Variants in HMG20A observed in about 807,000 individuals in gnomAD.
The protein encoded by HMG20A is high mobility group protein 20A.
HMG20A carries 17 observed loss-of-function variants against 43.9 expected under a neutral mutation model. The ratio of observed to expected loss-of-function variants is 0.39; its 90% CI spans 0.27 to 0.58. The LOEUF (loss-of-function observed/expected upper bound fraction) is 0.58, where lower values mean the gene tolerates loss of function less well. HMG20A is among the 20% of genes least tolerant of loss of function. The pLI is 0.59. For synonymous variants in HMG20A, 132 were observed against 147.5 expected, an observed-to-expected ratio of 0.89 and a Z score of 0.76; for missense variants, 341 against 438.2, an observed-to-expected ratio of 0.78 and a Z score of 1.98.
chr15:77,445,791 A>G (rs1309875926), intron 1 of HMG20A, among the ~76,000 whole-genome samples: 2 of 152,188 alleles, frequency 1.3e-5, no homozygotes, highest in African/African-American at 4.8e-5. Flanking sequence ...TACAGCATGG[A>G]TATGCTGGAC....
the HMG20A span, among the ~76,000 whole-genome samples, chr15:77,519,915 A>G: frequency 3.3e-5 from 5 of 152,184 alleles, no homozygotes; most frequent in East Asian, 5.8e-4. Flanking sequence ...ACCCCAGTAC[A>G]TGGGGCCAGG....
chr15:77,519,428 T>A, the HMG20A span, among the ~76,000 whole-genome samples: 1 of 152,214 alleles, frequency 6.6e-6, no homozygotes, highest in African/African-American at 2.4e-5. Context: ...AATGCTGGTG[T>A]CCCTCCAATA....
chr15:77,467,437 C>T (rs1183248548), intron 4 of HMG20A, 130 bp downstream of exon 4: 2 of 707,192 alleles, frequency 2.8e-6, no homozygotes, highest in Non-Finnish European at 4.7e-6. Flanking sequence ...ACCAGAATAG[C>T]AGGGTCCATC....
At chr15:77,515,409 A>ATATTTATTCATT in the HMG20A span, among the ~76,000 whole-genome samples, 1 of 150,854 alleles carries the variant, frequency 6.6e-6, no homozygotes, top group Non-Finnish European at 1.5e-5. Flanking sequence ...TTATTTTTAA[A>ATATTTATTCATT]TATTTATTTA....
In HMG20A at chr15:77,443,379, G is replaced by GATGATTATTATT. The variant is rs576920554; in HGVS notation, c.-4-15023_-4-15022insGATTATTATTAT. Among the ~76,000 whole-genome samples the GATGATTATTATT allele has an allele frequency of 8.6e-3, 1,130 of 131,282 alleles. 23 individuals carry two copies. Among genetic ancestry groups the GATGATTATTATT allele is most frequent in the Admixed American group, 0.036 (455 of 12,616 alleles). The allele number at this position is 131,282 out of a possible 152,430, so 86.1% of individuals were successfully genotyped here. On this transcript the variant is annotated intron_variant, in intron 1 of 9. Transcript: ENST00000336216. ...TGATGATGATGATGATGATGATGAT[G>GATGATTATTATT]ATTATTATTATTATTATTATTATTA...
At chr15:77,432,511 C>T (rs1223542352) in intron 1 of HMG20A, among the ~76,000 whole-genome samples, 1 of 152,012 alleles carries the variant, frequency 6.6e-6, no homozygotes, top group East Asian at 1.9e-4. Context: ...CACCTGAGGT[C>T]AGGAGTTTGA....
intron 1 of HMG20A, among the ~76,000 whole-genome samples, chr15:77,435,201 T>C (rs1328123720): frequency 1.3e-5 from 2 of 152,180 alleles, no homozygotes; most frequent in Non-Finnish European, 2.9e-5. Context: ...TGTTGTAATA[T>C]TCTGTTTATT....
chr15:77,468,019 C>A (rs569714036), intron 4 of HMG20A, among the ~76,000 whole-genome samples: 4 of 152,306 alleles, frequency 2.6e-5, no homozygotes, highest in African/African-American at 9.6e-5. Context: ...TTATGACTTA[C>A]ACTTTTTAAA....
Position 77,442,836 on chromosome 15 carries a change from A to AT in HMG20A, c.-4-15560dup, listed in dbSNP as rs547368776. ...GAATTTTAGCTCTACGTGTAGCCAT[A>AT]TTTTTTTTACAAAAAAGAAACTAAG... On this transcript the variant is annotated intron_variant, in intron 1 of 9. Transcript: ENST00000336216. 4.4e-3 allele frequency among the ~76,000 whole-genome samples: 660 copies of AT among 150,378 alleles called. 3 individuals carry two copies. Among genetic ancestry groups the AT allele is most frequent in the Non-Finnish European group, 7.3e-3 (493 of 67,872 alleles).
Position 77,483,919 on chromosome 15 carries a change from A to G in HMG20A, c.*956A>G, listed in dbSNP as rs1249248887. The G allele has an allele frequency of 2.0e-5, 3 of 152,232 alleles. No individual in the cohort carries two copies. In the East Asian group the frequency reaches 5.8e-4, roughly 29 times the overall value. 9.4% of individuals were successfully genotyped at this position (152,232 alleles called of 1,614,324 possible). ...TAGGAGTAATGATTCATAGATCTAG[A>G]TAGGTGGAAATATCATTCAAAATAG... is the stretch of plus-strand genomic sequence containing the variant. On this transcript the variant is annotated 3_prime_UTR_variant, in exon 10 of 10. Transcript: ENST00000336216.
At chr15:77,424,802 T>A (rs2073408531) in intron 1 of HMG20A, among the ~76,000 whole-genome samples, 1 of 152,202 alleles carries the variant, frequency 6.6e-6, no homozygotes, top group South Asian at 2.1e-4. Flanking sequence ...GGAATCTTAA[T>A]CTTGGCACAA....
At chr15:77,460,381 G>A (rs990787450) in intron 2 of HMG20A, among the ~76,000 whole-genome samples, 6 of 152,338 alleles carry the variant, frequency 3.9e-5, no homozygotes, top group African/African-American at 1.2e-4. Context: ...AAAGCAACTG[G>A]AGGGATGGAG....
intron 1 of HMG20A, among the ~76,000 whole-genome samples, chr15:77,448,922 G>C (rs772269460): frequency 1.4e-4 from 22 of 152,062 alleles, no homozygotes; most frequent in Non-Finnish European, 2.2e-4. Context: ...ATGGTGGCAG[G>C]CACCTGTAAT....
At chr15:77,475,334 C>A (rs12324632) in intron 6 of HMG20A, among the ~76,000 whole-genome samples, 2,909 of 152,298 alleles carry the variant, frequency 0.019, 96 homozygotes, top group African/African-American at 0.066. Flanking sequence ...TTTAATGTTT[C>A]TTATTTTGTG....
At chr15:77,516,767 A>G in the HMG20A span, among the ~76,000 whole-genome samples, 3 of 152,112 alleles carry the variant, frequency 2.0e-5, no homozygotes, top group Non-Finnish European at 4.4e-5. Context: ...GGGTGTGGGC[A>G]TTCCGGGAAA....
At chr15:77,494,613 G>A in the HMG20A span, among the ~76,000 whole-genome samples, 9 of 152,184 alleles carry the variant, frequency 5.9e-5, no homozygotes, top group African/African-American at 4.8e-5. Context: ...CCGTAAAGAG[G>A]ATGCTAAACA....
chr15:77,504,175 G>A, the HMG20A span, among the ~76,000 whole-genome samples: 1 of 152,258 alleles, frequency 6.6e-6, no homozygotes, highest in African/African-American at 2.4e-5. Flanking sequence ...GTCTGCATAA[G>A]TGGGGAGCCC....
At chr15:77,501,927 A>G in the HMG20A span, among the ~76,000 whole-genome samples, 2 of 152,208 alleles carry the variant, frequency 1.3e-5, no homozygotes, top group East Asian at 1.9e-4. Flanking sequence ...CATGTATTCA[A>G]TGCCTGGCAT....
chr15:77,471,326 T>G (rs1315675186), intron 5 of HMG20A, among the ~76,000 whole-genome samples: 1 of 152,186 alleles, frequency 6.6e-6, no homozygotes, highest in African/African-American at 2.4e-5. Context: ...TAGGCATTTC[T>G]CTGCCTGTAA....
Sources: gnomAD v4.1 joint callset for allele counts (sites outside exome capture counted in the v4.1 genomes callset) on GRCh38, gnomAD v4.1.1 for gene constraint, MANE v1.5 for transcripts, NCBI Gene and HGNC (gene_info 2026-07-23, HGNC 2026-07-21) for gene names.